RTL4: variants seen among roughly 807,000 people sequenced by gnomAD.
RTL4 encodes retrotransposon Gag-like protein 4.
Under a neutral mutation model 5.3 loss-of-function variants are expected in RTL4, and 4 were observed. The ratio of observed to expected loss-of-function variants is 0.75; its 90% CI spans 0.37 to 1.72. RTL4 has a LOEUF of 1.72. Ranked by LOEUF, RTL4 falls within the 40% of genes most tolerant of loss-of-function variation. RTL4 has a pLI of 0.04. For synonymous variants in RTL4, 98 were observed against 87.3 expected (o/e 1.12, Z -0.68); for missense variants, 260 against 227.1 (o/e 1.14, Z -0.93).
At chrX:112,180,436 C>T in the RTL4 span, among the ~76,000 whole-genome samples, 1 of 111,806 alleles carries the variant, frequency 8.9e-6, no homozygotes, top group African/African-American at 3.3e-5. Flanking sequence ...TGTGATACAA[C>T]CTTTTCTCTA....
chrX:112,122,866 G>A, the RTL4 span, among the ~76,000 whole-genome samples: 1 of 111,069 alleles, frequency 9.0e-6, no homozygotes, highest in African/African-American at 3.3e-5. Context: ...AATAATGACT[G>A]TCAATTTATT....
chrX:112,178,537 G>T, the RTL4 span, among the ~76,000 whole-genome samples: 9 of 111,911 alleles, frequency 8.0e-5, no homozygotes, highest in Non-Finnish European at 1.5e-4. Context: ...TGAAGAGTTT[G>T]TAATATCTTT....
the RTL4 span, among the ~76,000 whole-genome samples, chrX:112,175,160 T>C: frequency 9.3e-6 from 1 of 107,612 alleles, no homozygotes; most frequent in East Asian, 2.9e-4. Flanking sequence ...TGCCCATGCC[T>C]ATGTCCTGAA....
the RTL4 span, among the ~76,000 whole-genome samples, chrX:112,233,571 A>G: frequency 2.7e-3 from 306 of 111,616 alleles, no homozygotes; most frequent in Admixed American, 6.6e-3. Context: ...AAATCTTTCT[A>G]TTTTAACTCT....
the RTL4 span, among the ~76,000 whole-genome samples, chrX:112,175,728 C>A: frequency 9.0e-6 from 1 of 110,701 alleles, no homozygotes; most frequent in Non-Finnish European, 1.9e-5. Context: ...TGGGAAGTAT[C>A]TCAAAAAAAT....
the RTL4 span, among the ~76,000 whole-genome samples, chrX:112,439,517 C>G: frequency 1.8e-5 from 2 of 111,863 alleles, no homozygotes; most frequent in Admixed American, 9.5e-5. Context: ...TGAGATGATA[C>G]TACCCACATG....
chrX:112,123,218 G>A, the RTL4 span, among the ~76,000 whole-genome samples: 1 of 111,987 alleles, frequency 8.9e-6, no homozygotes, highest in Non-Finnish European at 1.9e-5. Flanking sequence ...CCTCTTAGCA[G>A]TTACCAAATG....
the RTL4 span, among the ~76,000 whole-genome samples, chrX:112,216,059 G>C: frequency 9.0e-6 from 1 of 111,688 alleles, no homozygotes; most frequent in South Asian, 3.8e-4. Context: ...AGAGGGAATG[G>C]TATTTTCTTT....
chrX:112,169,973 A>G, the RTL4 span, among the ~76,000 whole-genome samples: 5 of 112,429 alleles, frequency 4.4e-5, no homozygotes, highest in Non-Finnish European at 7.5e-5. Context: ...ACGTTTCTGC[A>G]TATGGCTAGC....
At chrX:112,173,257 G>C in the RTL4 span, among the ~76,000 whole-genome samples, 1 of 111,151 alleles carries the variant, frequency 9.0e-6, no homozygotes, top group Non-Finnish European at 1.9e-5. Flanking sequence ...TAAAGTACAG[G>C]ATCCTAGATT....
the RTL4 span, among the ~76,000 whole-genome samples, chrX:112,415,473 T>C: frequency 9.1e-6 from 1 of 109,615 alleles, no homozygotes. Context: ...ATATATGACA[T>C]TTTTTTTACA....
the RTL4 span, among the ~76,000 whole-genome samples, chrX:112,116,112 G>A: frequency 8.9e-5 from 10 of 112,223 alleles, no homozygotes; most frequent in South Asian, 3.7e-4. Flanking sequence ...CCTGACATCC[G>A]TGTCTTTAGT....
chrX:112,088,873 T>C, the RTL4 span, among the ~76,000 whole-genome samples: 2 of 112,263 alleles, frequency 1.8e-5, no homozygotes, highest in African/African-American at 6.5e-5. Context: ...TGGAGAAATG[T>C]CTGTTCAAGT....
the RTL4 span, among the ~76,000 whole-genome samples, chrX:112,342,806 A>G: frequency 8.9e-6 from 1 of 112,054 alleles, no homozygotes; most frequent in African/African-American, 3.2e-5. Context: ...AGTTCAAATA[A>G]AAAGGGTACT....
chrX:112,112,132 C>G, the RTL4 span, among the ~76,000 whole-genome samples: 1 of 112,031 alleles, frequency 8.9e-6, no homozygotes, highest in Non-Finnish European at 1.9e-5. Context: ...GGGAAGCCAG[C>G]CTTTTGCTAC....
chrX:112,267,069 C>T, the RTL4 span, among the ~76,000 whole-genome samples: 3 of 111,680 alleles, frequency 2.7e-5, no homozygotes, highest in African/African-American at 9.8e-5. Flanking sequence ...TCATTCCCAG[C>T]ACTATATAAA....
the RTL4 span, among the ~76,000 whole-genome samples, chrX:112,141,424 A>AAT: frequency 1.7e-4 from 19 of 111,700 alleles, no homozygotes; most frequent in Non-Finnish European, 3.0e-4. Flanking sequence ...TTCTTGCCTA[A>AAT]ATATAGTTGC....
the RTL4 span, among the ~76,000 whole-genome samples, chrX:112,358,387 A>G: frequency 7.3e-3 from 808 of 111,050 alleles, 11 homozygotes; most frequent in African/African-American, 0.025. Context: ...GCATCTGTGA[A>G]ACAGGTGGTC....
chrX:112,366,490 T>C, the RTL4 span, among the ~76,000 whole-genome samples: 1 of 111,393 alleles, frequency 9.0e-6, no homozygotes, highest in South Asian at 3.8e-4. Flanking sequence ...TGATGCAGTT[T>C]ATGGCAGAAT....
Sources: gnomAD v4.1 joint callset for allele counts (sites outside exome capture counted in the v4.1 genomes callset) on GRCh38, gnomAD v4.1.1 for gene constraint, MANE v1.5 for transcripts, NCBI Gene and HGNC (gene_info 2026-07-23, HGNC 2026-07-21) for gene names.